KIF15: variants seen among roughly 807,000 people sequenced by gnomAD.
KIF15 encodes kinesin-like protein KIF15.
In KIF15, 140 loss-of-function variants were observed where a neutral mutation model predicts 190.6. The observed-to-expected ratio is 0.73, with a 90% CI of 0.64 to 0.84. KIF15 has a LOEUF of 0.84. Among genes scored for constraint, KIF15 ranks in the 40% least tolerant of loss-of-function variants. The pLI, the probability that KIF15 is intolerant of heterozygous loss-of-function variation, is 0.00. For synonymous variants in KIF15, 528 were observed against 551.3 expected, an observed-to-expected ratio of 0.96 and a Z score of 0.59; for missense variants, 1,372 against 1,584.4, an observed-to-expected ratio of 0.87 and a Z score of 2.28.
chr3:44,861,803 C>T, intron 6 of KIF15: 3 of 1,180,314 alleles, frequency 2.5e-6, no homozygotes. Flanking sequence ...GAGAGCGATT[C>T]CCAAGGGGCC....
At chr3:44,841,612 A>T (rs937327362) in intron 29 of KIF15, among the ~76,000 whole-genome samples, 1 of 151,934 alleles carries the variant, frequency 6.6e-6, no homozygotes, top group African/African-American at 2.4e-5. Context: ...GTTAGCCAGG[A>T]TGGTCTTGAT....
intron 1 of KIF15, among the ~76,000 whole-genome samples, chr3:44,768,970 G>C (rs561249150): frequency 6.6e-6 from 1 of 152,322 alleles, no homozygotes; most frequent in East Asian, 1.9e-4. Context: ...TTACTGGTTT[G>C]CACAGGGAGA....
At chr3:44,849,052 A>G (rs1257912578) in intron 32 of KIF15, among the ~76,000 whole-genome samples, 2 of 152,230 alleles carry the variant, frequency 1.3e-5, no homozygotes, top group African/African-American at 4.8e-5. Context: ...AAGGTGTACT[A>G]TATTTTCTGT....
intron 6 of KIF15, among the ~76,000 whole-genome samples, chr3:44,860,649 G>A (rs969982457): frequency 2.0e-5 from 3 of 152,216 alleles, no homozygotes; most frequent in Non-Finnish European, 2.9e-5. Context: ...TGGGATTACA[G>A]GCGTGAGCCA....
chr3:44,853,751 G>A (rs1699147255), downstream of KIF15, among the ~76,000 whole-genome samples: 2 of 152,154 alleles, frequency 1.3e-5, no homozygotes, highest in African/African-American at 4.8e-5. Flanking sequence ...TAGGTGTGTA[G>A]TTATATCACT....
At chr3:44,832,971 C>T in intron 26 of KIF15, among the ~76,000 whole-genome samples, 1 of 138,436 alleles carries the variant, frequency 7.2e-6, no homozygotes, top group East Asian at 2.1e-4. Context: ...GATCATGCCA[C>T]TGCACTCTAG....
In KIF15 at chr3:44,852,104, ACT is replaced by A. The variant is rs1233062944; in HGVS notation, c.3973-99_3973-98del. On this transcript the variant is annotated intron_variant, in intron 33 of 34. Coordinates refer to ENST00000326047, the MANE Select transcript of KIF15 (RefSeq NM_020242.3). ...GAGGCCTTGAAAGCTGGGATTCTGG[ACT>A]CTCTGACTTCCTGTGCTCCTGGAAG... 2.0e-5 allele frequency: 29 copies of A among 1,454,684 alleles called. No homozygotes were observed. In the East Asian group the frequency reaches 2.1e-4, roughly 11 times the overall value. The allele number at this position is 1,454,684 out of a possible 1,614,324, so 90.1% of individuals were successfully genotyped here.
At chr3:44,766,313 G>C (rs1705372021) in intron 1 of KIF15, among the ~76,000 whole-genome samples, 1 of 152,174 alleles carries the variant, frequency 6.6e-6, no homozygotes, top group Admixed American at 6.5e-5. Context: ...CTTTGTAGTT[G>C]CTGAGCATTT....
chr3:44,768,382 G>A (rs975509362), intron 1 of KIF15, among the ~76,000 whole-genome samples: 3 of 152,160 alleles, frequency 2.0e-5, no homozygotes, highest in Middle Eastern at 3.4e-3. Flanking sequence ...AATCAGGCAC[G>A]CGGACACATC....
chr3:44,793,145 T>C (rs910982054), intron 7 of KIF15, among the ~76,000 whole-genome samples: 1 of 152,148 alleles, frequency 6.6e-6, no homozygotes, highest in Non-Finnish European at 1.5e-5. Context: ...TTCTATGGGA[T>C]AGGTACCCAT....
intron 1 of KIF15, among the ~76,000 whole-genome samples, chr3:44,772,601 T>C (rs1705691109): frequency 6.6e-6 from 1 of 152,232 alleles, no homozygotes. Context: ...AGAAAATCCT[T>C]TTGAGTCCCT....
intron 7 of KIF15, among the ~76,000 whole-genome samples, chr3:44,789,582 A>T (rs1056851371): frequency 6.7e-6 from 1 of 148,274 alleles, no homozygotes; most frequent in African/African-American, 2.5e-5. Context: ...CTTCAGAGAG[A>T]TGCACTGATT....
chr3:44,864,552 C>G (rs1699300089), intron 6 of KIF15, among the ~76,000 whole-genome samples: 1 of 152,126 alleles, frequency 6.6e-6, no homozygotes, highest in African/African-American at 2.4e-5. Flanking sequence ...TGAGTGAAGC[C>G]TGACAGTAAA....
chr3:44,773,592 AG>A (rs1227941201), intron 1 of KIF15, among the ~76,000 whole-genome samples: 2 of 152,218 alleles, frequency 1.3e-5, no homozygotes, highest in Non-Finnish European at 2.9e-5. Flanking sequence ...TGCCACAGAA[AG>A]GCTGGGTTGG....
rs1429946725 is a variant in KIF15, at chr3:44,852,016, G to A, written c.3972+64G>A. 2.5e-5 allele frequency: 39 copies of A among 1,533,044 alleles called. 1 individual carries two copies. Among genetic ancestry groups the A allele is most frequent in the South Asian group, 8.8e-5 (7 of 79,952 alleles). 95.0% of individuals were successfully genotyped at this position (1,533,044 alleles called of 1,614,324 possible). A position where few individuals can be genotyped will look rare whatever the true frequency, so the allele number is the denominator to read the frequency against. On this transcript the variant is annotated intron_variant, in intron 33 of 34. Coordinates refer to ENST00000326047, the MANE Select transcript of KIF15 (RefSeq NM_020242.3). ...ACTCAAATGAATAGAACTAATTAGC[G>A]TAAAACTCACTTTGTGATTGGGTGT...
In KIF15 at chr3:44,815,084, T is replaced by C; in HGVS notation, c.2549+8T>C. ...TCAATTAGATAATCTCAGGTAGAGT[T>C]GTTCTTTTATGGTTTCAAGTTGCCT... On this transcript the variant is annotated splice_region_variant and intron_variant, in intron 20 of 34. Transcript: ENST00000326047. The C allele has an allele frequency of 1.3e-6, 2 of 1,557,072 alleles. No homozygotes were observed. The highest frequency in any genetic ancestry group is 3.9e-5 in the Admixed American group (2 of 50,836).
intron 20 of KIF15, among the ~76,000 whole-genome samples, chr3:44,823,052 G>T (rs1353180425): frequency 6.6e-6 from 1 of 152,184 alleles, no homozygotes; most frequent in Non-Finnish European, 1.5e-5. Context: ...TCTATTGCTG[G>T]TGAGGAGCTA....
At chr3:44,862,102 G>A in intron 6 of KIF15, 2 of 1,234,000 alleles carry the variant, frequency 1.6e-6, no homozygotes, top group Non-Finnish European at 1.0e-6. Context: ...CGCCAAGCTG[G>A]CCTTCGGCAG....
chr3:44,848,632 C>A, intron 32 of KIF15, 74 bp downstream of exon 32: 1 of 662,880 alleles, frequency 1.5e-6, no homozygotes, highest in Non-Finnish European at 2.5e-6. Context: ...TGATATACCA[C>A]AAGGTAGGTA....
Sources: gnomAD v4.1 joint callset for allele counts (sites outside exome capture counted in the v4.1 genomes callset) on GRCh38, gnomAD v4.1.1 for gene constraint, MANE v1.5 for transcripts, NCBI Gene and HGNC (gene_info 2026-07-23, HGNC 2026-07-21) for gene names.